Variants in ABCA12 observed in about 807,000 individuals in gnomAD.
The protein encoded by ABCA12 is glucosylceramide transporter ABCA12.
ABCA12 carries 156 observed loss-of-function variants against 293.5 expected under a neutral mutation model. The ratio of observed to expected loss-of-function variants is 0.53; its 90% CI spans 0.47 to 0.61. ABCA12 has a LOEUF of 0.61. Ranked by LOEUF, ABCA12 falls within the 20% of genes least tolerant of loss-of-function variation. ABCA12 has a pLI of 0.00. For synonymous variants in ABCA12, 1,063 were observed against 1,108.0 expected, an observed-to-expected ratio of 0.96 and a Z score of 0.81; for missense variants, 2,797 against 3,090.2, an observed-to-expected ratio of 0.91 and a Z score of 2.25.
At chr2:215,098,901 G>A (rs1006237250) in intron 2 of ABCA12, among the ~76,000 whole-genome samples, 13 of 152,350 alleles carry the variant, frequency 8.5e-5, no homozygotes, top group Non-Finnish European at 5.9e-5. Context: ...AGGACACCGC[G>A]ATGATGGGGC....
intron 2 of ABCA12, among the ~76,000 whole-genome samples, chr2:215,066,865 GCAA>G (rs71041987): frequency 0.33 from 50,021 of 151,716 alleles, 8,556 homozygotes; most frequent in Middle Eastern, 0.4. Flanking sequence ...GGTGCCTGTT[GCAA>G]CAACAATAAC....
intron 1 of ABCA12, among the ~76,000 whole-genome samples, chr2:215,134,660 G>GAGAGAGACAAAC: frequency 6.9e-6 from 1 of 144,434 alleles, no homozygotes; most frequent in Non-Finnish European, 1.5e-5. Flanking sequence ...GAGAGAGAGA[G>GAGAGAGACAAAC]AGAGAGAGAC....
intron 2 of ABCA12, among the ~76,000 whole-genome samples, chr2:215,085,009 G>C (rs536151852): frequency 2.0e-5 from 3 of 149,594 alleles, no homozygotes; most frequent in Non-Finnish European, 4.4e-5. Context: ...CAGAAGAGTG[G>C]CTCGACCCCA....
chr2:214,979,137 C>T, intron 31 of ABCA12, 97 bp from the exon 32 acceptor site: 1 of 1,039,974 alleles, frequency 9.6e-7, no homozygotes, highest in Non-Finnish European at 1.5e-6. Context: ...TCTTTTAGGC[C>T]ACTCCACACC....
intron 38 of ABCA12, 47 bp from the exon 39 acceptor site, chr2:214,967,000 A>G: frequency 1.4e-6 from 2 of 1,448,184 alleles, no homozygotes; most frequent in Non-Finnish European, 1.9e-6. Flanking sequence ...ATTCAAATAA[A>G]TTAGGCTGTC....
intron 36 of ABCA12, among the ~76,000 whole-genome samples, chr2:214,973,714 A>G (rs1026137893): frequency 6.6e-6 from 1 of 152,206 alleles, no homozygotes; most frequent in African/African-American, 2.4e-5. Context: ...GTTGGTTTCC[A>G]CAAAGACCAT....
chr2:215,132,080 C>T (rs1703071249), intron 1 of ABCA12, among the ~76,000 whole-genome samples: 1 of 151,924 alleles, frequency 6.6e-6, no homozygotes, highest in Non-Finnish European at 1.5e-5. Flanking sequence ...TCCAATCTTA[C>T]TCCACTGTGG....
At chr2:215,052,862 A>T (rs1031308659) in intron 4 of ABCA12, among the ~76,000 whole-genome samples, 4 of 152,142 alleles carry the variant, frequency 2.6e-5, no homozygotes, top group African/African-American at 4.8e-5. Context: ...ATTAAACTTC[A>T]TCACCAACAT....
intron 1 of ABCA12, among the ~76,000 whole-genome samples, chr2:215,131,609 G>C (rs1187065822): frequency 1.3e-5 from 2 of 150,288 alleles, no homozygotes; most frequent in Non-Finnish European, 3.0e-5. Context: ...GTAATTATGT[G>C]AATCTTTCTT....
chr2:215,137,460 G>A (rs986832793), intron 1 of ABCA12, among the ~76,000 whole-genome samples: 3 of 152,150 alleles, frequency 2.0e-5, no homozygotes, highest in Non-Finnish European at 4.4e-5. Context: ...CATCTGATGA[G>A]GATCTAATAG....
chr2:215,121,352 G>C (rs56209930), intron 1 of ABCA12, among the ~76,000 whole-genome samples: 3,929 of 152,196 alleles, frequency 0.026, 140 homozygotes, highest in African/African-American at 0.086. Context: ...CTGTAACCTA[G>C]AACTTTTTAT....
At chr2:215,043,932 AT>A (rs1376416694) in intron 7 of ABCA12, among the ~76,000 whole-genome samples, 4 of 151,986 alleles carry the variant, frequency 2.6e-5, no homozygotes, top group African/African-American at 9.7e-5. Flanking sequence ...CACAGTATAT[AT>A]TTTTTGTTTT....
chr2:214,983,443 G>C (rs754922804), intron 29 of ABCA12, among the ~76,000 whole-genome samples: 4 of 152,080 alleles, frequency 2.6e-5, no homozygotes, highest in Non-Finnish European at 5.9e-5. Context: ...CAGATGAAGA[G>C]AGTTAAACAA....
intron 32 of ABCA12, 125 bp from the exon 33 acceptor site, chr2:214,978,591 A>C (rs1382163603): frequency 4.0e-6 from 5 of 1,250,622 alleles, no homozygotes; most frequent in Non-Finnish European, 5.7e-6. Flanking sequence ...GTCTGACTTC[A>C]AGTGAATATT....
At position 214,982,287 on chromosome 2, in the gene ABCA12, G is replaced by C; in HGVS notation, c.4479C>G (p.Leu1493=). Residue 1493 remains leucine, a synonymous_variant, in exon 30 of 53, where the codon CTC becomes CTG. Transcript: ENST00000272895. ...MKRKLSISIA[L]IGGSRVVILD... ...AAATTACTACCCTTGATCCACCAAT[G>C]AGAGCTATGGATATAGATAACTTCC... 2.5e-6 allele frequency: 4 copies of C among 1,614,068 alleles called. No individual in the cohort carries two copies. Among genetic ancestry groups the C allele is most frequent in the Non-Finnish European group, 3.4e-6 (4 of 1,179,976 alleles).
At chr2:215,052,705 A>G in intron 4 of ABCA12, 121 bp from the exon 5 acceptor site, 2 of 829,144 alleles carry the variant, frequency 2.4e-6, no homozygotes, top group Admixed American at 1.9e-5. Context: ...GATGTGCTCA[A>G]ACATGCCTCT....
intron 18 of ABCA12, among the ~76,000 whole-genome samples, chr2:215,008,518 A>G (rs538764020): frequency 6.6e-6 from 1 of 152,256 alleles, no homozygotes; most frequent in African/African-American, 2.4e-5. Flanking sequence ...GAATTAAATT[A>G]TACCTATTGA....
chr2:215,039,610 C>A (rs1392910237), intron 7 of ABCA12, among the ~76,000 whole-genome samples: 1 of 151,968 alleles, frequency 6.6e-6, no homozygotes, highest in Non-Finnish European at 1.5e-5. Context: ...AAAAAATTAG[C>A]CAGGCGTGGT....
rs143184908 is a variant in ABCA12 at position 215,034,861 on chromosome 2, T to C, written c.985+2092A>G. On this transcript the variant is annotated intron_variant, in intron 8 of 52. Coordinates refer to ENST00000272895, the MANE Select transcript of ABCA12 (RefSeq NM_173076.3). ...TTGTGTTCTTTACTTGAAAGAGTGG[T>C]ATGAAGCCTACAAACCTATCTTAAC... Among the ~76,000 whole-genome samples the C allele has an allele frequency of 3.3e-4, 51 of 152,300 alleles. 1 individual carries two copies. The highest frequency in any genetic ancestry group is 1.8e-3 in the Admixed American group (28 of 15,304).
Sources: gnomAD v4.1 joint callset for allele counts (sites outside exome capture counted in the v4.1 genomes callset) on GRCh38, gnomAD v4.1.1 for gene constraint, MANE v1.5 for transcripts, NCBI Gene and HGNC (gene_info 2026-07-23, HGNC 2026-07-21) for gene names.